INPP4B: variants seen among roughly 807,000 people sequenced by gnomAD.
INPP4B encodes the protein inositol polyphosphate-4-phosphatase type II B.
In INPP4B, 55 loss-of-function variants were observed where a neutral mutation model predicts 122.5. The ratio of observed to expected loss-of-function variants is 0.45; its 90% CI spans 0.36 to 0.56. The LOEUF (loss-of-function observed/expected upper bound fraction) is 0.56, where lower values mean the gene tolerates loss of function less well. Among genes scored for constraint, INPP4B ranks in the 20% least tolerant of loss-of-function variants. INPP4B has a pLI of 0.00. For missense variants in INPP4B, 1,000 were observed against 1,097.7 expected (o/e 0.91, Z 1.26); for synonymous variants, 403 against 388.7 (o/e 1.04, Z -0.43).
chr4:142,641,577 T>C (rs144493360), intron 2 of INPP4B, among the ~76,000 whole-genome samples: 1,755 of 152,290 alleles, frequency 0.012, 31 homozygotes, highest in African/African-American at 0.032. Context: ...TCTTCATTCA[T>C]GTCCCTACAA....
rs1560996677 is a variant in INPP4B at position 142,720,793 on chromosome 4, CT to C, written c.-191+5045del. On this transcript the variant is annotated intron_variant, in intron 2 of 25. Transcript: ENST00000262992. ...TCTCTCTCTCTCTCTCTCTCTCTCT[CT>C]CTCTCTCTCTCTCTCTATATATATA... 2.9e-4 allele frequency among the ~76,000 whole-genome samples: 11 copies of C among 37,378 alleles called. 1 individual carries two copies. The East Asian group carries it at 6.6e-3, about 22-fold the overall frequency. The allele number at this position is 37,378 out of a possible 152,430, so 24.5% of individuals were successfully genotyped here. A position where few individuals can be genotyped will look rare whatever the true frequency, so the allele number is the denominator to read the frequency against.
chr4:142,601,295 A>C (rs1382519488), intron 2 of INPP4B, among the ~76,000 whole-genome samples: 1 of 152,140 alleles, frequency 6.6e-6, no homozygotes, highest in Non-Finnish European at 1.5e-5. Context: ...GATAGACTAT[A>C]TGTTAGGCCA....
intron 16 of INPP4B, among the ~76,000 whole-genome samples, chr4:142,166,364 C>T (rs376938232): frequency 6.6e-6 from 1 of 151,768 alleles, no homozygotes; most frequent in South Asian, 2.1e-4. Flanking sequence ...TGGACACCTT[C>T]CTTACACCTT....
At chr4:142,192,272 C>A (rs1383127897) in intron 15 of INPP4B, among the ~76,000 whole-genome samples, 2 of 88,548 alleles carry the variant, frequency 2.3e-5, no homozygotes, top group African/African-American at 6.8e-5. Context: ...ACATGCAATT[C>A]ACCATGGTTA....
chr4:142,482,981 T>C (rs1434220555), intron 2 of INPP4B, among the ~76,000 whole-genome samples: 1 of 152,098 alleles, frequency 6.6e-6, no homozygotes, highest in Non-Finnish European at 1.5e-5. Context: ...CAATATTTCA[T>C]TTAATGACAT....
intron 2 of INPP4B, among the ~76,000 whole-genome samples, chr4:142,667,903 T>G (rs1425397958): frequency 6.6e-6 from 1 of 152,200 alleles, no homozygotes; most frequent in African/African-American, 2.4e-5. Flanking sequence ...ATTGAATTAG[T>G]AATAAAAATT....
At chr4:142,036,553 T>C (rs925970368) in intron 25 of INPP4B, among the ~76,000 whole-genome samples, 3 of 152,214 alleles carry the variant, frequency 2.0e-5, no homozygotes, top group South Asian at 2.1e-4. Flanking sequence ...TATAGGGGAA[T>C]AATTTATGCC....
Position 142,123,463 on chromosome 4 carries a change from T to C in INPP4B, c.1894-48A>G, listed in dbSNP as rs200598705. ...ATTTACTGCAGTTAGCAAACGTATT[T>C]GTTTTATTTTGAAATATTTTAAGAC... On this transcript the variant is annotated intron_variant, in intron 19 of 25. Transcript: ENST00000262992. 2.5e-4 allele frequency: 394 copies of C among 1,580,978 alleles called. 1 individual carries two copies. In the African/African-American group the frequency reaches 4.8e-3, roughly 19 times the overall value.
intron 2 of INPP4B, among the ~76,000 whole-genome samples, chr4:142,714,186 T>C (rs1292526112): frequency 1.3e-5 from 2 of 152,170 alleles, no homozygotes; most frequent in African/African-American, 4.8e-5. Context: ...TTCTTAAAGG[T>C]TCATCACATG....
chr4:142,112,438 C>T (rs577956092), intron 22 of INPP4B, 104 bp downstream of exon 22: 220 of 1,136,268 alleles, frequency 1.9e-4, no homozygotes, highest in African/African-American at 4.8e-5. Context: ...AAATGTTACT[C>T]ATAAATTGAT....
chr4:142,062,236 T>C (rs924336907), intron 25 of INPP4B, among the ~76,000 whole-genome samples: 2 of 151,976 alleles, frequency 1.3e-5, no homozygotes, highest in African/African-American at 2.4e-5. Flanking sequence ...TGTCTGCTCT[T>C]GCCCACCATC....
At chr4:142,345,303 G>T (rs1275365982) in intron 7 of INPP4B, among the ~76,000 whole-genome samples, 2 of 151,902 alleles carry the variant, frequency 1.3e-5, no homozygotes, top group Non-Finnish European at 2.9e-5. Context: ...CAGATTTCTA[G>T]AAAGAGAAGG....
Position 142,136,836 on chromosome 4 carries a change from TA to T in INPP4B, c.1720+9003del, listed in dbSNP as rs1315111410. On this transcript the variant is annotated intron_variant, in intron 18 of 25. Coordinates refer to ENST00000262992, the MANE Select transcript of INPP4B (RefSeq NM_001101669.3). ...TTCATTAAGATATCAAGGACAAACC[TA>T]AAGGCAGGTAAATCTATATACAAAA... Among the ~76,000 whole-genome samples, 8 of 152,224 alleles carry T rather than the reference TA, an allele frequency of 5.3e-5. No homozygotes were observed. The East Asian group carries it at 5.8e-4, about 11-fold the overall frequency.
At chr4:142,392,631 T>C (rs559472600) in intron 7 of INPP4B, among the ~76,000 whole-genome samples, 1 of 152,198 alleles carries the variant, frequency 6.6e-6, no homozygotes, top group Non-Finnish European at 1.5e-5. Context: ...TTTCCATGGT[T>C]GGAGTAAAAG....
intron 18 of INPP4B, among the ~76,000 whole-genome samples, chr4:142,139,693 C>T (rs752958052): frequency 3.3e-5 from 5 of 152,172 alleles, no homozygotes; most frequent in Non-Finnish European, 2.9e-5. Flanking sequence ...CAATTCACTA[C>T]AGCCTTATAT....
At chr4:142,069,753 G>C (rs202083068) in intron 25 of INPP4B, among the ~76,000 whole-genome samples, 1 of 152,036 alleles carries the variant, frequency 6.6e-6, no homozygotes, top group African/African-American at 2.4e-5. Context: ...ATAAATTCCT[G>C]GACACATTCA....
chr4:142,592,250 C>A (rs1458521216), intron 2 of INPP4B, among the ~76,000 whole-genome samples: 1 of 152,166 alleles, frequency 6.6e-6, no homozygotes, highest in East Asian at 1.9e-4. Flanking sequence ...GGTGTGTAAA[C>A]CAACCATTCT....
At chr4:142,270,371 C>T (rs555735669) in intron 10 of INPP4B, among the ~76,000 whole-genome samples, 14 of 152,236 alleles carry the variant, frequency 9.2e-5, no homozygotes, top group African/African-American at 2.9e-4. Flanking sequence ...TGGTAAAATG[C>T]GACAATGATC....
At chr4:142,450,922 G>A (rs1435454570) in intron 3 of INPP4B, among the ~76,000 whole-genome samples, 3 of 151,618 alleles carry the variant, frequency 2.0e-5, no homozygotes, top group Non-Finnish European at 1.5e-5. Flanking sequence ...TAGAAGACAT[G>A]TATCTTATAT....
Sources: allele counts gnomAD v4.1 joint callset (sites outside exome capture counted in the v4.1 genomes callset), GRCh38; gene constraint gnomAD v4.1.1; transcripts MANE v1.5; gene names NCBI Gene and HGNC (gene_info 2026-07-23, HGNC 2026-07-21).